OSTN: variants seen among roughly 807,000 people sequenced by gnomAD.
The protein encoded by OSTN is osteocrin.
Under a neutral mutation model 12.0 loss-of-function variants are expected in OSTN, and 9 were observed. The observed-to-expected ratio is 0.75, with a 90% CI of 0.45 to 1.30. The LOEUF is 1.30. OSTN is among the 50% of genes most tolerant of loss of function. The pLI, the probability that OSTN is intolerant of heterozygous loss-of-function variation, is 0.00. For missense variants in OSTN, 148 were observed against 152.3 expected (o/e 0.97, Z 0.15); for synonymous variants, 59 against 56.9 (o/e 1.04, Z -0.16).
intron 1 of OSTN, among the ~76,000 whole-genome samples, chr3:191,199,703 A>T (rs531649970): frequency 6.6e-6 from 1 of 152,196 alleles, no homozygotes; most frequent in South Asian, 2.1e-4. Flanking sequence ...TTTCCTCATT[A>T]TTTCTATCAA....
intron 4 of OSTN, among the ~76,000 whole-genome samples, chr3:191,255,048 CA>C (rs1289762209): frequency 2.0e-5 from 3 of 152,118 alleles, no homozygotes; most frequent in Admixed American, 1.3e-4. Flanking sequence ...TCCTGGAAGA[CA>C]ATTTTTCCAA....
chr3:191,214,535 C>T (rs767290950), intron 2 of OSTN, among the ~76,000 whole-genome samples: 28 of 150,442 alleles, frequency 1.9e-4, no homozygotes, highest in African/African-American at 4.9e-4. Context: ...CAAGAACTGA[C>T]GAGACTTAGG....
Position 191,252,179 on chromosome 3 carries a change from C to T in OSTN, c.*12+2046C>T, listed in dbSNP as rs2108553201. ...GGTTCAAGCAATTCTCCTGCCTCAGCCTCCCAAGCATCTGGGACTACAGGC... is the reference window on the plus strand; with the variant it reads ...GGTTCAAGCAATTCTCCTGCCTCAGTCTCCCAAGCATCTGGGACTACAGGC... On this transcript the variant is annotated intron_variant, in intron 4 of 4. Transcript: ENST00000682035. 2.0e-5 allele frequency among the ~76,000 whole-genome samples: 3 copies of T among 152,306 alleles called. No homozygotes were observed. The South Asian group carries it at 6.2e-4, about 32-fold the overall frequency.
intron 3 of OSTN, among the ~76,000 whole-genome samples, chr3:191,247,681 A>G (rs1715464805): frequency 6.6e-6 from 1 of 152,256 alleles, no homozygotes; most frequent in African/African-American, 2.4e-5. Context: ...TTTATACAAC[A>G]GCACCAAGCA....
In OSTN at chr3:191,265,102, G is replaced by A. The variant is rs929165483; in HGVS notation, c.*2249G>A. On this transcript the variant is annotated 3_prime_UTR_variant, in exon 5 of 5. Coordinates refer to ENST00000682035, the MANE Select transcript of OSTN (RefSeq NM_198184.2). The stretch of plus-strand genomic sequence containing the variant: ...AAGTCAGCAATATACTAAATAATGG[G>A]GCTATTCTTTTAACATAGCAGTAAA... The A allele has an allele frequency of 6.6e-6, 1 of 151,928 alleles. No individual in the cohort carries two copies. The highest frequency in any genetic ancestry group is 1.9e-4 in the East Asian group (1 of 5,196). The allele number at this position is 151,928 out of a possible 1,614,324, so 9.4% of individuals were successfully genotyped here.
At chr3:191,255,086 T>C (rs1715642238) in intron 4 of OSTN, among the ~76,000 whole-genome samples, 1 of 152,032 alleles carries the variant, frequency 6.6e-6, no homozygotes, top group Non-Finnish European at 1.5e-5. Flanking sequence ...GAGGAAATGG[T>C]TTTGGGATGA....
intron 1 of OSTN, among the ~76,000 whole-genome samples, chr3:191,203,083 A>G (rs144230286): frequency 1.3e-5 from 2 of 152,274 alleles, no homozygotes; most frequent in African/African-American, 4.8e-5. Flanking sequence ...TCCAGCATGA[A>G]CTTCATCACA....
chr3:191,240,205 CTT>C, intron 3 of OSTN, among the ~76,000 whole-genome samples: 1 of 152,162 alleles, frequency 6.6e-6, no homozygotes, highest in East Asian at 1.9e-4. Flanking sequence ...GTTTTGTACA[CTT>C]TGATTATTTT....
At chr3:191,262,658 T>G (rs1287161712) in intron 4 of OSTN, among the ~76,000 whole-genome samples, 2 of 152,272 alleles carry the variant, frequency 1.3e-5, no homozygotes, top group South Asian at 4.1e-4. Context: ...CTAGCTTATA[T>G]GTTTAAAATA....
intron 4 of OSTN, among the ~76,000 whole-genome samples, chr3:191,250,431 A>T (rs906135890): frequency 6.6e-6 from 1 of 152,196 alleles, no homozygotes; most frequent in Non-Finnish European, 1.5e-5. Context: ...CAAGGGTTAA[A>T]GTTCTAGTCA....
intron 3 of OSTN, among the ~76,000 whole-genome samples, chr3:191,229,479 G>T (rs528290180): frequency 3.3e-5 from 5 of 152,232 alleles, no homozygotes; most frequent in African/African-American, 1.2e-4. Flanking sequence ...ATGAAGTAAG[G>T]TTTACAATAA....
chr3:191,202,941 T>A lies in OSTN; in HGVS notation c.-1+3634T>A, dbSNP rs1330805167. Among the ~76,000 whole-genome samples, 4 of 152,218 alleles carry A rather than the reference T, an allele frequency of 2.6e-5. No homozygotes were observed. The East Asian group carries it at 7.7e-4, about 29-fold the overall frequency. On this transcript the variant is annotated intron_variant, in intron 1 of 4. Coordinates refer to ENST00000682035, the MANE Select transcript of OSTN (RefSeq NM_198184.2). ...AAGAAATATTTAGTTATTTGGGGAT[T>A]TAGGTACAGATTAATGTATGAAAAG...
At chr3:191,220,256 A>G (rs17463979) in intron 3 of OSTN, among the ~76,000 whole-genome samples, 9,733 of 152,242 alleles carry the variant, frequency 0.064, 430 homozygotes, top group Non-Finnish European at 0.093. Context: ...ACACTAGAAA[A>G]TAAAATCATC....
chr3:191,223,718 A>G (rs933072719), intron 3 of OSTN, among the ~76,000 whole-genome samples: 1 of 152,206 alleles, frequency 6.6e-6, no homozygotes, highest in South Asian at 2.1e-4. Flanking sequence ...TACAAAAATA[A>G]TCATAAGAAT....
chr3:191,208,008 G>C (rs1714322394), intron 1 of OSTN, among the ~76,000 whole-genome samples: 1 of 152,108 alleles, frequency 6.6e-6, no homozygotes, highest in African/African-American at 2.4e-5. Flanking sequence ...ACACATAATA[G>C]TCCAATTGTC....
At chr3:191,240,853 A>C (rs1423166650) in intron 3 of OSTN, among the ~76,000 whole-genome samples, 1 of 152,250 alleles carries the variant, frequency 6.6e-6, no homozygotes, top group African/African-American at 2.4e-5. Context: ...TGCCGCCGGA[A>C]TAAGTGATCC....
chr3:191,261,106 CTG>C (rs1197215434), intron 4 of OSTN, among the ~76,000 whole-genome samples: 1 of 152,176 alleles, frequency 6.6e-6, no homozygotes, highest in Non-Finnish European at 1.5e-5. Context: ...GTTCTCGTAA[CTG>C]TGACTTCCAG....
chr3:191,218,761 A>C lies in OSTN; in HGVS notation c.117A>C (p.Gly39=). The change falls in exon 3 of 5, where the codon GGA becomes GGC. Residue 39 remains glycine, a synonymous_variant. Transcript: ENST00000682035. ...CTGCCTTATAGGCCTTTGATTCTGG[A>C]GTCATAGATGTGCAGTCAACACCCA... ...DVTTTEAFDS[G]VIDVQSTPTV... The C allele has an allele frequency of 6.2e-7, 1 of 1,613,852 alleles. No individual in the cohort carries two copies. The highest frequency in any genetic ancestry group is 8.5e-7 in the Non-Finnish European group (1 of 1,179,878).
chr3:191,249,925 T>C, intron 3 of OSTN, 112 bp from the exon 4 acceptor site: 5 of 741,036 alleles, frequency 6.7e-6, no homozygotes, highest in African/African-American at 1.8e-5. Context: ...GGAACTATCA[T>C]GTTTATTCCA....
Sources: allele counts gnomAD v4.1 joint callset (sites outside exome capture counted in the v4.1 genomes callset), GRCh38; gene constraint gnomAD v4.1.1; transcripts MANE v1.5; gene names NCBI Gene and HGNC (gene_info 2026-07-23, HGNC 2026-07-21).